ACYP2: variants seen among roughly 807,000 people sequenced by gnomAD.
ACYP2 encodes the protein acylphosphatase 2, also known as acylphosphatase-2.
ACYP2 carries 12 observed loss-of-function variants against 11.2 expected under a neutral mutation model. That is an observed-to-expected ratio of 1.08 (90% confidence interval 0.69 to 1.74). The LOEUF (loss-of-function observed/expected upper bound fraction) is 1.74. Among genes scored for constraint, ACYP2 ranks in the 40% most tolerant of loss-of-function variants. The probability of loss-of-function intolerance (pLI) is 0.00; values close to 1 mark genes in which losing one functional copy is unlikely to be tolerated. For missense variants in ACYP2, 134 were observed against 101.9 expected (o/e 1.31, Z -1.35); for synonymous variants, 43 against 32.2 (o/e 1.33, Z -1.13).
At chr2:54,139,111 C>G (rs992794790) in intron 6 of ACYP2, among the ~76,000 whole-genome samples, 2 of 152,202 alleles carry the variant, frequency 1.3e-5, no homozygotes, top group Non-Finnish European at 1.5e-5. Flanking sequence ...GAATGGACTT[C>G]CCACTTGGGC....
chr2:54,235,995 T>C (rs528729780), intron 6 of ACYP2, among the ~76,000 whole-genome samples: 1 of 152,334 alleles, frequency 6.6e-6, no homozygotes, highest in South Asian at 2.1e-4. Flanking sequence ...AACCAACTTT[T>C]ACCCTTATTG....
chr2:54,269,740 T>C (rs1470331599), intron 6 of ACYP2, among the ~76,000 whole-genome samples: 1 of 152,240 alleles, frequency 6.6e-6, no homozygotes, highest in South Asian at 2.1e-4. Context: ...TCAGTAATAA[T>C]GTTCAATAAC....
At chr2:54,063,149 A>T (rs1676558716) in intron 4 of ACYP2, among the ~76,000 whole-genome samples, 1 of 151,962 alleles carries the variant, frequency 6.6e-6, no homozygotes, top group African/African-American at 2.4e-5. Context: ...TATTTTATTT[A>T]TTTATTCTCT....
intron 2 of ACYP2, among the ~76,000 whole-genome samples, chr2:54,000,543 G>A (rs141955521): frequency 9.8e-5 from 15 of 152,296 alleles, no homozygotes; most frequent in African/African-American, 3.4e-4. Context: ...CTGTGATAAC[G>A]CAGAACCTCA....
chr2:54,099,780 A>G (rs1678793879), intron 4 of ACYP2, among the ~76,000 whole-genome samples: 1 of 152,168 alleles, frequency 6.6e-6, no homozygotes, highest in Non-Finnish European at 1.5e-5. Context: ...TATCTCTTCA[A>G]CATACTGATT....
intron 2 of ACYP2, among the ~76,000 whole-genome samples, chr2:54,013,990 T>C (rs1164835427): frequency 6.6e-6 from 1 of 152,064 alleles, no homozygotes; most frequent in Non-Finnish European, 1.5e-5. Context: ...AAGCCCCTTC[T>C]CCACTAAAAA....
intron 4 of ACYP2, among the ~76,000 whole-genome samples, chr2:54,120,067 G>T (rs1680054572): frequency 6.6e-6 from 1 of 152,240 alleles, no homozygotes; most frequent in Non-Finnish European, 1.5e-5. Context: ...CCTATCAAGG[G>T]TATATACTGT....
intron 6 of ACYP2, among the ~76,000 whole-genome samples, chr2:54,224,567 G>A (rs906417879): frequency 2.0e-5 from 3 of 152,212 alleles, no homozygotes; most frequent in Non-Finnish European, 2.9e-5. Flanking sequence ...GTAGGTATAT[G>A]TAAAATAGGT....
chr2:54,284,132 TTATAA>T (rs929599926), intron 6 of ACYP2, among the ~76,000 whole-genome samples: 7 of 152,230 alleles, frequency 4.6e-5, no homozygotes, highest in Non-Finnish European at 1.5e-5. Context: ...ATAACAGTTC[TTATAA>T]TATGATTTAA....
At chr2:54,244,629 T>A (rs976553353) in intron 6 of ACYP2, among the ~76,000 whole-genome samples, 3 of 152,240 alleles carry the variant, frequency 2.0e-5, no homozygotes, top group Admixed American at 2.0e-4. Flanking sequence ...GTGTCAGGAA[T>A]ACACCTTCAA....
At chr2:54,286,857 C>G (rs1022333825) in intron 6 of ACYP2, among the ~76,000 whole-genome samples, 2 of 151,982 alleles carry the variant, frequency 1.3e-5, no homozygotes, top group African/African-American at 4.8e-5. Flanking sequence ...TGAGTTTTCT[C>G]AGGCTATAAT....
At chr2:54,165,201 T>G (rs1376568572) in intron 6 of ACYP2, among the ~76,000 whole-genome samples, 1 of 152,206 alleles carries the variant, frequency 6.6e-6, no homozygotes, top group African/African-American at 2.4e-5. Context: ...AGACACTGTA[T>G]AGACTAGTTG....
intron 6 of ACYP2, among the ~76,000 whole-genome samples, chr2:54,235,640 G>A (rs572354520): frequency 5.5e-4 from 84 of 152,234 alleles, no homozygotes; most frequent in Admixed American, 9.2e-4. Flanking sequence ...GTGAGCCACC[G>A]CGCCTGGCCA....
chr2:54,137,617 CTT>C (rs1463618557), intron 5 of ACYP2, among the ~76,000 whole-genome samples: 1 of 152,140 alleles, frequency 6.6e-6, no homozygotes, highest in South Asian at 2.1e-4. Context: ...TGATCTCATT[CTT>C]TTTTATGGCT....
rs185074068 is a variant in ACYP2, at chr2:54,053,393, C to T, written c.155+2343C>T. Among the ~76,000 whole-genome samples the T allele has an allele frequency of 2.7e-3, 408 of 152,316 alleles. 1 individual carries two copies. Among genetic ancestry groups the T allele is most frequent in the African/African-American group, 9.4e-3 (391 of 41,564 alleles). ...GTTGCTGTGGAAGGCCTCCCCAGCTCTCAGTCCCACCAGCACCCTCAGTGG... is the reference window on the plus strand; with the variant it reads ...GTTGCTGTGGAAGGCCTCCCCAGCTTTCAGTCCCACCAGCACCCTCAGTGG... On this transcript the variant is annotated intron_variant, in intron 3 of 6. Transcript: ENST00000607452.
chr2:54,193,674 T>C (rs983979073), intron 6 of ACYP2, among the ~76,000 whole-genome samples: 2 of 152,212 alleles, frequency 1.3e-5, no homozygotes, highest in Non-Finnish European at 2.9e-5. Context: ...TGAAAATCAA[T>C]CTTATATTTT....
intron 4 of ACYP2, among the ~76,000 whole-genome samples, chr2:54,114,693 A>T (rs1039309811): frequency 6.6e-6 from 1 of 152,228 alleles, no homozygotes; most frequent in African/African-American, 2.4e-5. Context: ...TCAAAACAAC[A>T]GCAACAAACC....
At chr2:54,119,367 A>G (rs1348947178) in intron 4 of ACYP2, among the ~76,000 whole-genome samples, 1 of 152,052 alleles carries the variant, frequency 6.6e-6, no homozygotes, top group Non-Finnish European at 1.5e-5. Context: ...ACAGAGTGAG[A>G]CTGTCTCTAA....
intron 6 of ACYP2, among the ~76,000 whole-genome samples, chr2:54,283,426 C>T (rs939429547): frequency 1.1e-4 from 16 of 152,044 alleles, no homozygotes; most frequent in African/African-American, 3.9e-4. Context: ...CTTTCCATGC[C>T]CCAGGACTCT....
Sources: gnomAD v4.1 joint callset for allele counts (sites outside exome capture counted in the v4.1 genomes callset) on GRCh38, gnomAD v4.1.1 for gene constraint, MANE v1.5 for transcripts, NCBI Gene and HGNC (gene_info 2026-07-23, HGNC 2026-07-21) for gene names.